The following ERBB4 variants were observed in gnomAD, a reference collection of about 807,000 sequenced individuals.
The protein encoded by ERBB4 is receptor tyrosine-protein kinase erbB-4.
Under a neutral mutation model 158.0 loss-of-function variants are expected in ERBB4, and 42 were observed. The observed-to-expected ratio is 0.27, with a 90% CI of 0.21 to 0.34. The LOEUF is 0.34. ERBB4 is among the 10% of genes least tolerant of loss of function. The probability of loss-of-function intolerance (pLI) is 1.00; values close to 1 mark genes in which losing one functional copy is unlikely to be tolerated. For missense variants in ERBB4, 1,333 were observed against 1,624.1 expected (o/e 0.82, Z 3.08); for synonymous variants, 583 against 558.7 (o/e 1.04, Z -0.61).
intron 20 of ERBB4, among the ~76,000 whole-genome samples, chr2:211,554,312 C>T (rs943161959): frequency 6.6e-6 from 1 of 152,170 alleles, no homozygotes; most frequent in Non-Finnish European, 1.5e-5. Flanking sequence ...AATAATGAGC[C>T]ATATCTGCTA....
chr2:212,335,193 G>A lies in ERBB4; in HGVS notation c.82+203256C>T, dbSNP rs527567816. Among the ~76,000 whole-genome samples, 4 of 151,834 alleles carry A rather than the reference G, an allele frequency of 2.6e-5. No homozygotes were observed. In the East Asian group the frequency reaches 7.8e-4, roughly 30 times the overall value. On this transcript the variant is annotated intron_variant, in intron 1 of 27. Transcript: ENST00000342788. ...TCAGAGGTTATATTTAAACGATAAA[G>A]GTTCTAAAATTGTATAAAGAGGAGC...
At chr2:212,019,596 C>A (rs776036498) in intron 2 of ERBB4, among the ~76,000 whole-genome samples, 3 of 151,740 alleles carry the variant, frequency 2.0e-5, no homozygotes, top group Non-Finnish European at 4.4e-5. Flanking sequence ...AACCCCATCT[C>A]TACTAAAATA....
chr2:211,992,565 G>GGAAA lies in ERBB4; in HGVS notation c.235-44950_235-44949insTTTC, dbSNP rs56400627. Among the ~76,000 whole-genome samples the GGAAA allele has an allele frequency of 5.1e-4, 63 of 122,618 alleles. 12 individuals carry two copies. Among genetic ancestry groups the GGAAA allele is most frequent in the Non-Finnish European group, 6.8e-4 (40 of 58,606 alleles). 80.4% of individuals were successfully genotyped at this position (122,618 alleles called of 152,430 possible). A position where few individuals can be genotyped will look rare whatever the true frequency, so the allele number is the denominator to read the frequency against. On this transcript the variant is annotated intron_variant, in intron 2 of 27. Transcript: ENST00000342788. ...ACAGTGAGAGAGAGAGAGAGAGAGA[G>GGAAA]AGAAAAAAAAAAAAAACATGAGTTT...
chr2:212,082,919 T>A (rs1575608344), intron 2 of ERBB4, among the ~76,000 whole-genome samples: 1 of 152,114 alleles, frequency 6.6e-6, no homozygotes, highest in East Asian at 1.9e-4. Context: ...CAGCCTTAAG[T>A]GTATATACTT....
intron 3 of ERBB4, among the ~76,000 whole-genome samples, chr2:211,829,857 C>A (rs1408072262): frequency 6.6e-6 from 1 of 152,122 alleles, no homozygotes; most frequent in African/African-American, 2.4e-5. Context: ...AAATGGATGA[C>A]TTATCATAAA....
chr2:211,868,658 A>AC (rs1264047372), intron 3 of ERBB4, among the ~76,000 whole-genome samples: 1 of 152,080 alleles, frequency 6.6e-6, no homozygotes, highest in African/African-American at 2.4e-5. Flanking sequence ...GATCAAAGGA[A>AC]CCCTTATTTT....
At position 212,265,829 on chromosome 2, in the gene ERBB4, C is replaced by G. The variant is rs547430478; in HGVS notation, c.83-140926G>C. On this transcript the variant is annotated intron_variant, in intron 1 of 27. Coordinates refer to ENST00000342788, the MANE Select transcript of ERBB4 (RefSeq NM_005235.3). ...TAAAAGTGGGTGGTAAATGATCAAA[C>G]ACATTTTAAATATAAAGCCAGCAGA... 3.3e-5 allele frequency among the ~76,000 whole-genome samples: 5 copies of G among 152,140 alleles called. No individual in the cohort carries two copies. In the South Asian group the frequency reaches 6.2e-4, roughly 19 times the overall value.
At chr2:212,198,520 G>A (rs191190169) in intron 1 of ERBB4, among the ~76,000 whole-genome samples, 62 of 152,090 alleles carry the variant, frequency 4.1e-4, no homozygotes, top group Non-Finnish European at 7.8e-4. Flanking sequence ...CAATCGTATT[G>A]TAGTATGTGT....
chr2:212,411,756 T>A (rs2091507280), intron 1 of ERBB4, among the ~76,000 whole-genome samples: 1 of 152,176 alleles, frequency 6.6e-6, no homozygotes, highest in Non-Finnish European at 1.5e-5. Flanking sequence ...TTGAGATATT[T>A]CTTCCTGAAG....
At chr2:211,584,926 G>T in intron 19 of ERBB4, among the ~76,000 whole-genome samples, 1 of 150,560 alleles carries the variant, frequency 6.6e-6, no homozygotes, top group African/African-American at 2.4e-5. Flanking sequence ...TTTATTTGTG[G>T]CGCATTTTTT....
intron 20 of ERBB4, among the ~76,000 whole-genome samples, chr2:211,507,709 C>T (rs545622505): frequency 6.6e-6 from 1 of 152,178 alleles, no homozygotes; most frequent in South Asian, 2.1e-4. Flanking sequence ...AAGCTGGAGG[C>T]ATCACACTAC....
intron 2 of ERBB4, among the ~76,000 whole-genome samples, chr2:211,992,559 GA>G (rs1362661514): frequency 2.2e-4 from 14 of 63,164 alleles, no homozygotes; most frequent in Non-Finnish European, 8.0e-4. Flanking sequence ...GAGAGAGAGA[GA>G]GAGAGAGAAA....
chr2:212,445,377 C>A (rs1042041352), intron 1 of ERBB4, among the ~76,000 whole-genome samples: 1 of 152,080 alleles, frequency 6.6e-6, no homozygotes, highest in East Asian at 1.9e-4. Context: ...CCTGTTCCTG[C>A]GGCATTACAT....
At chr2:211,807,046 A>G (rs908140619) in intron 3 of ERBB4, among the ~76,000 whole-genome samples, 12 of 151,794 alleles carry the variant, frequency 7.9e-5, no homozygotes, top group African/African-American at 2.4e-4. Flanking sequence ...TGATAAATCA[A>G]GAAATAATTA....
At chr2:212,490,403 T>A (rs969191523) in intron 1 of ERBB4, among the ~76,000 whole-genome samples, 1 of 151,546 alleles carries the variant, frequency 6.6e-6, no homozygotes, top group Non-Finnish European at 1.5e-5. Flanking sequence ...TTCACTTTGA[T>A]ATTTTCATGC....
At chr2:211,506,943 A>G (rs758709487) in intron 20 of ERBB4, among the ~76,000 whole-genome samples, 50 of 152,154 alleles carry the variant, frequency 3.3e-4, no homozygotes, top group Admixed American at 1.8e-3. Flanking sequence ...TGTTTTTTGA[A>G]AGGCTAAATG....
intron 3 of ERBB4, among the ~76,000 whole-genome samples, chr2:211,817,843 CA>C (rs1410863473): frequency 1.3e-5 from 2 of 152,098 alleles, no homozygotes; most frequent in Non-Finnish European, 1.5e-5. Context: ...CAGCAACATT[CA>C]AGGGGATGGA....
At chr2:211,795,082 T>A (rs2076353945) in intron 3 of ERBB4, among the ~76,000 whole-genome samples, 1 of 151,876 alleles carries the variant, frequency 6.6e-6, no homozygotes, top group Non-Finnish European at 1.5e-5. Flanking sequence ...TGTAATCTAT[T>A]CTCCCCACAA....
chr2:211,607,092 T>C (rs1158110524), intron 19 of ERBB4, among the ~76,000 whole-genome samples: 1 of 152,152 alleles, frequency 6.6e-6, no homozygotes, highest in Admixed American at 6.5e-5. Context: ...TTATAGTCAA[T>C]AGAGCTGAGG....
Sources: allele counts gnomAD v4.1 joint callset (sites outside exome capture counted in the v4.1 genomes callset), GRCh38; gene constraint gnomAD v4.1.1; transcripts MANE v1.5; gene names NCBI Gene and HGNC (gene_info 2026-07-23, HGNC 2026-07-21).